SHISA9: variants seen among roughly 807,000 people sequenced by gnomAD.
SHISA9 encodes the protein protein shisa-9.
A neutral mutation model predicts 38.0 loss-of-function variants in SHISA9; 13 were observed. That is an observed-to-expected ratio of 0.34 (90% CI 0.22 to 0.54). The LOEUF is 0.54. Ranked by LOEUF, SHISA9 falls within the 20% of genes least tolerant of loss-of-function variation. The pLI, the probability that SHISA9 is intolerant of heterozygous loss-of-function variation, is 0.91. For missense variants in SHISA9, 538 were observed against 575.8 expected (o/e 0.93, Z 0.67); for synonymous variants, 275 against 242.0 (o/e 1.14, Z -1.27).
chr16:13,176,066 T>G (rs897843516), intron 2 of SHISA9, among the ~76,000 whole-genome samples: 3 of 152,168 alleles, frequency 2.0e-5, no homozygotes, highest in African/African-American at 7.2e-5. Context: ...AAATGTAACT[T>G]TAAATATCTT....
the SHISA9 span, among the ~76,000 whole-genome samples, chr16:13,330,797 T>C: frequency 1.3e-5 from 2 of 152,100 alleles, no homozygotes; most frequent in Admixed American, 1.3e-4. Flanking sequence ...TTGGCCTCAT[T>C]GGGAGCCAGC....
chr16:13,463,431 G>A, the SHISA9 span, among the ~76,000 whole-genome samples: 1 of 152,128 alleles, frequency 6.6e-6, no homozygotes, highest in Non-Finnish European at 1.5e-5. Context: ...AAGATTCCTG[G>A]GACTGTTGTG....
At chr16:13,170,761 A>G (rs2050678882) in intron 2 of SHISA9, among the ~76,000 whole-genome samples, 1 of 152,070 alleles carries the variant, frequency 6.6e-6, no homozygotes, top group Non-Finnish European at 1.5e-5. Context: ...AGTTCAAGCC[A>G]TTTTCCTGCC....
chr16:13,377,122 TA>T, the SHISA9 span, among the ~76,000 whole-genome samples: 2 of 152,242 alleles, frequency 1.3e-5, no homozygotes, highest in African/African-American at 4.8e-5. Context: ...GCACACTGCA[TA>T]CCAGTGGTGG....
intron 4 of SHISA9, among the ~76,000 whole-genome samples, chr16:13,222,267 C>T (rs8055051): frequency 0.22 from 33,490 of 152,072 alleles, 4,082 homozygotes; most frequent in African/African-American, 0.28. Context: ...TACAGCCAAA[C>T]CATATCATGA....
At chr16:13,145,509 A>C (rs926033381) in intron 2 of SHISA9, among the ~76,000 whole-genome samples, 3 of 152,126 alleles carry the variant, frequency 2.0e-5, no homozygotes, top group African/African-American at 7.3e-5. Flanking sequence ...CCTGGGCAAC[A>C]AGAGCGAAAC....
the SHISA9 span, among the ~76,000 whole-genome samples, chr16:13,519,735 G>T: frequency 6.6e-6 from 1 of 152,122 alleles, no homozygotes; most frequent in African/African-American, 2.4e-5. Flanking sequence ...TCTTCACATG[G>T]TGGCAGGAGA....
chr16:13,234,537 C>A (rs2051361967), intron 4 of SHISA9, among the ~76,000 whole-genome samples: 1 of 152,098 alleles, frequency 6.6e-6, no homozygotes, highest in African/African-American at 2.4e-5. Flanking sequence ...GCAAACAAAC[C>A]AGCGGAGAAA....
the SHISA9 span, among the ~76,000 whole-genome samples, chr16:13,253,781 AATTATCCATGGACAGGAGT>A: frequency 6.6e-6 from 1 of 152,230 alleles, no homozygotes; most frequent in Non-Finnish European, 1.5e-5. Flanking sequence ...CTTGGGCATT[AATTATCCATGGACAGGAGT>A]ATTATGAAAC....
chr16:13,443,627 C>G, the SHISA9 span, among the ~76,000 whole-genome samples: 2 of 152,160 alleles, frequency 1.3e-5, no homozygotes, highest in African/African-American at 4.8e-5. Flanking sequence ...TGCATGTTCC[C>G]AAGCCCCTAT....
the SHISA9 span, among the ~76,000 whole-genome samples, chr16:13,385,878 C>T: frequency 3.3e-5 from 5 of 152,274 alleles, no homozygotes; most frequent in South Asian, 1.0e-3. Context: ...AGGAATTATG[C>T]TGAGTGAAAA....
At chr16:13,022,539 C>T (rs1487083130) in intron 2 of SHISA9, among the ~76,000 whole-genome samples, 1 of 152,072 alleles carries the variant, frequency 6.6e-6, no homozygotes, top group Non-Finnish European at 1.5e-5. Flanking sequence ...CCATGTTGGC[C>T]AGGCTTGTCT....
the SHISA9 span, among the ~76,000 whole-genome samples, chr16:13,357,088 G>A: frequency 6.6e-6 from 1 of 152,174 alleles, no homozygotes; most frequent in African/African-American, 2.4e-5. Flanking sequence ...ACACGGAGAA[G>A]GGGTGGAGGG....
intron 2 of SHISA9, among the ~76,000 whole-genome samples, chr16:13,135,477 G>A (rs2050340909): frequency 1.3e-5 from 2 of 152,108 alleles, no homozygotes; most frequent in Non-Finnish European, 1.5e-5. Flanking sequence ...ACAAAGTTTG[G>A]CCCATTCTTG....
At chr16:13,264,228 T>A in the SHISA9 span, among the ~76,000 whole-genome samples, 6 of 151,440 alleles carry the variant, frequency 4.0e-5, no homozygotes, top group African/African-American at 1.5e-4. Context: ...AGGTTGGAGT[T>A]CAGTGGCATG....
At chr16:13,515,087 A>G in the SHISA9 span, among the ~76,000 whole-genome samples, 3 of 152,202 alleles carry the variant, frequency 2.0e-5, no homozygotes, top group African/African-American at 7.2e-5. Context: ...AGAATTCTAT[A>G]CTCAGTGAGA....
intron 2 of SHISA9, among the ~76,000 whole-genome samples, chr16:12,994,168 G>A (rs916532370): frequency 6.6e-6 from 1 of 152,200 alleles, no homozygotes; most frequent in Non-Finnish European, 1.5e-5. Flanking sequence ...TGGCTGCTGT[G>A]TAGACGATTG....
intron 1 of SHISA9, among the ~76,000 whole-genome samples, chr16:12,913,836 C>T (rs962864923): frequency 6.6e-6 from 1 of 151,962 alleles, no homozygotes; most frequent in Non-Finnish European, 1.5e-5. Context: ...GTAGCAGGTA[C>T]TAGTGCTTCA....
chr16:13,179,611 T>A (rs767072998), intron 2 of SHISA9, among the ~76,000 whole-genome samples: 22 of 152,232 alleles, frequency 1.4e-4, no homozygotes, highest in Non-Finnish European at 2.9e-4. Context: ...TTAATACTCC[T>A]GCCTCCTGGC....
Sources: allele counts gnomAD v4.1 joint callset (sites outside exome capture counted in the v4.1 genomes callset), GRCh38; gene constraint gnomAD v4.1.1; transcripts MANE v1.5; gene names NCBI Gene and HGNC (gene_info 2026-07-23, HGNC 2026-07-21).